The following CDC23 variants were observed in gnomAD, a reference collection of about 807,000 sequenced individuals.
CDC23 encodes the protein cell division cycle protein 23 homolog.
CDC23 carries 26 observed loss-of-function variants against 81.7 expected under a neutral mutation model. The ratio of observed to expected loss-of-function variants is 0.32; its 90% CI spans 0.23 to 0.44. The LOEUF is 0.44. CDC23 is among the 20% of genes least tolerant of loss of function. The pLI is 1.00. For synonymous variants in CDC23, 267 were observed against 270.8 expected (o/e 0.99, Z 0.14); for missense variants, 519 against 728.0 (o/e 0.71, Z 3.30).
At position 138,198,635 on chromosome 5, in the gene CDC23, G is replaced by C. The variant is rs1023554547; in HGVS notation, c.802C>G (p.Gln268Glu). 2 of 1,613,982 alleles carry C rather than the reference G, an allele frequency of 1.2e-6. No homozygotes were observed. Among genetic ancestry groups the C allele is most frequent in the Non-Finnish European group, 1.7e-6 (2 of 1,180,020 alleles). ...ATATTGTGATAGGCAACTGCAATTT[G>C]GGAAACAATATACGAGCTCTTAGAG... The part of the protein sequence containing the change: ...GFSKSSYIVS[Q>E]IAVAYHNIRD... The change falls in exon 7 of 16, where the codon CAA becomes GAA. Residue 268 changes from glutamine (Q) to glutamate (E), a missense_variant. Around this residue, in one of 4 missense-constraint regions of CDC23, gnomAD observed 180 missense variants for 239.3 expected, o/e 0.75. Coordinates refer to ENST00000394886, the MANE Select transcript of CDC23 (RefSeq NM_004661.4).
In CDC23 at chr5:138,188,928, A is replaced by G; in HGVS notation, c.*50T>C. 1.3e-6 allele frequency: 2 copies of G among 1,562,302 alleles called. No homozygotes were observed. Among genetic ancestry groups the G allele is most frequent in the Non-Finnish European group, 1.7e-6 (2 of 1,144,498 alleles). On this transcript the variant is annotated 3_prime_UTR_variant, in exon 16 of 16. Coordinates refer to ENST00000394886, the MANE Select transcript of CDC23 (RefSeq NM_004661.4). Reference sequence around the variant, plus strand: ...GACGTGCTGTTCTTTACATGGAGGTAAGGCTTAATTAAGATGGGTCTAACA... The same window carrying G: ...GACGTGCTGTTCTTTACATGGAGGTGAGGCTTAATTAAGATGGGTCTAACA...
At chr5:138,211,063 C>T (rs780849169) in intron 2 of CDC23, among the ~76,000 whole-genome samples, 1 of 152,182 alleles carries the variant, frequency 6.6e-6, no homozygotes, top group Non-Finnish European at 1.5e-5. Flanking sequence ...AAAACATCTG[C>T]ACTCGCATGT....
At chr5:138,195,505 ATATATATATAAATATATATAAAT>A (rs1401942685) in intron 9 of CDC23, among the ~76,000 whole-genome samples, 1 of 126,942 alleles carries the variant, frequency 7.9e-6, no homozygotes, top group Non-Finnish European at 1.6e-5. Context: ...TGTAAAAAAT[ATATATATATAAATATATATAAAT>A]TATATATATT....
At position 138,192,382 on chromosome 5, in the gene CDC23, G is replaced by A; in HGVS notation, c.1173C>T (p.Ala391=). ...TSAAIQAYRH[A]IEVNKRDYRA... is the part of the protein sequence containing the mutation. ...TGTAGTCCCGTTTGTTGACCTCAAT[G>A]GCATGTCTAAGAAATGGAAAAGACA... Residue 391 remains alanine (A), a synonymous_variant, in exon 11 of 16, where the codon GCC becomes GCT. Coordinates refer to ENST00000394886, the MANE Select transcript of CDC23 (RefSeq NM_004661.4). 6.2e-7 allele frequency: 1 copy of A among 1,614,154 alleles called. No homozygotes were observed. The highest frequency in any genetic ancestry group is 8.5e-7 in the Non-Finnish European group (1 of 1,180,032).
intron 13 of CDC23, among the ~76,000 whole-genome samples, chr5:138,191,232 G>A (rs1754823690): frequency 6.6e-6 from 1 of 152,000 alleles, no homozygotes; most frequent in South Asian, 2.1e-4. Context: ...CTGACCTCAG[G>A]TCATCCACCT....
rs753128350 is a variant in CDC23, at chr5:138,188,974, C to T, written c.*4G>A. 4 of 1,612,918 alleles carry T rather than the reference C, an allele frequency of 2.5e-6. No homozygotes were observed. The African/African-American group carries it at 5.3e-5, about 22-fold the overall frequency. On this transcript the variant is annotated 3_prime_UTR_variant, in exon 16 of 16. Transcript: ENST00000394886. ...TAACAATGTGCTGGCTTGAGAGTAG[C>T]CAACTATGGCGTGACAGAAGACAAG... is the stretch of plus-strand genomic sequence containing the variant.
chr5:138,189,576 A>T, intron 15 of CDC23, 57 bp downstream of exon 15: 1 of 1,556,276 alleles, frequency 6.4e-7, no homozygotes, highest in Non-Finnish European at 8.7e-7. Context: ...CTTTCCACTT[A>T]AATATCTTAT....
At chr5:138,208,248 G>A (rs1010108551) in intron 2 of CDC23, among the ~76,000 whole-genome samples, 10 of 152,122 alleles carry the variant, frequency 6.6e-5, no homozygotes, top group South Asian at 2.1e-4. Flanking sequence ...AGCCACCACC[G>A]GCCCAATCCT....
chr5:138,188,591 G>A lies in CDC23; in HGVS notation c.*387C>T, dbSNP rs1018375306. 2 of 159,858 alleles carry A rather than the reference G, an allele frequency of 1.3e-5. No individual in the cohort carries two copies. Among genetic ancestry groups the A allele is most frequent in the African/African-American group, 4.8e-5 (2 of 41,504 alleles). The allele number at this position is 159,858 out of a possible 1,614,324, so 9.9% of individuals were successfully genotyped here. A position where few individuals can be genotyped will look rare whatever the true frequency, so the allele number is the denominator to read the frequency against. On this transcript the variant is annotated 3_prime_UTR_variant, in exon 16 of 16. Transcript: ENST00000394886. ...ACTCAGTGCCCTACTGCCAGCTCAGGGTAGAGTGGCAGACTTTCCTCCTTT... is the reference window on the plus strand; with the variant it reads ...ACTCAGTGCCCTACTGCCAGCTCAGAGTAGAGTGGCAGACTTTCCTCCTTT...
chr5:138,191,916 C>G lies in CDC23; in HGVS notation c.1308G>C (p.Leu436=). The G allele has an allele frequency of 6.2e-7, 1 of 1,614,122 alleles. No individual in the cohort carries two copies. The highest frequency in any genetic ancestry group is 1.1e-5 in the South Asian group (1 of 91,078). Residue 436 remains leucine (L), a synonymous_variant, in exon 12 of 16, where the codon CTG becomes CTC. Coordinates refer to ENST00000394886, the MANE Select transcript of CDC23 (RefSeq NM_004661.4). ...TCTCGTAACATTCTCCTAAAGCAAC[C>G]AGCATGCGAGAATCATTGGGTCTGA... ...HQLRPNDSRM[L]VALGECYEKL... is the part of the protein sequence containing the mutation.
chr5:138,195,720 ATG>A (rs1754889352), intron 9 of CDC23, among the ~76,000 whole-genome samples: 1 of 66,200 alleles, frequency 1.5e-5, no homozygotes, highest in Non-Finnish European at 3.3e-5. Flanking sequence ...TATAATATAT[ATG>A]TATATATATA....
chr5:138,199,362 C>T (rs190797278), intron 6 of CDC23, among the ~76,000 whole-genome samples: 1 of 152,210 alleles, frequency 6.6e-6, no homozygotes, highest in Admixed American at 6.5e-5. Context: ...CTTTGGGAGG[C>T]TATGGGAAAG....
At chr5:138,207,496 A>G (rs1028684188) in intron 2 of CDC23, among the ~76,000 whole-genome samples, 1 of 152,164 alleles carries the variant, frequency 6.6e-6, no homozygotes, top group African/African-American at 2.4e-5. Context: ...CTGGCATTCT[A>G]TTCCTTCTCC....
chr5:138,194,367 C>T (rs1754860006), intron 9 of CDC23, among the ~76,000 whole-genome samples: 1 of 151,638 alleles, frequency 6.6e-6, no homozygotes, highest in Non-Finnish European at 1.5e-5. Flanking sequence ...AAGCTTGAGC[C>T]CAGGAATTCA....
chr5:138,213,143 A>C lies in CDC23; in HGVS notation c.161+9T>G, dbSNP rs1273570184. 1 of 1,613,980 alleles carries C rather than the reference A, an allele frequency of 6.2e-7. No homozygotes were observed. The highest frequency in any genetic ancestry group is 8.5e-7 in the Non-Finnish European group (1 of 1,179,988). ...CCAAGCCCCGTCCCTTCCCACTCCA[A>C]CATCTCACCATTTGCTACTGTGTAG... On this transcript the variant is annotated intron_variant, in intron 1 of 15. Transcript: ENST00000394886.
At chr5:138,197,141 C>T (rs1754921778) in intron 9 of CDC23, among the ~76,000 whole-genome samples, 1 of 149,480 alleles carries the variant, frequency 6.7e-6, no homozygotes, top group East Asian at 2.0e-4. Context: ...CCAGTCTCTA[C>T]TAAAAATACA....
chr5:138,189,986 C>A, intron 13 of CDC23, 80 bp from the exon 14 acceptor site: 15 of 1,111,152 alleles, frequency 1.3e-5, no homozygotes, highest in Admixed American at 3.8e-5. Flanking sequence ...TACATAAGAC[C>A]AAAAAAAACA....
intron 9 of CDC23, among the ~76,000 whole-genome samples, chr5:138,194,718 CTTTTTTT>C (rs926814787): frequency 8.4e-6 from 1 of 118,770 alleles, no homozygotes; most frequent in African/African-American, 3.1e-5. Context: ...TTTTTGGTGT[CTTTTTTT>C]TTTTTTTTTT....
At chr5:138,206,214 G>T (rs1755046189) in intron 3 of CDC23, 1 of 415,224 alleles carries the variant, frequency 2.4e-6, no homozygotes, top group Non-Finnish European at 4.2e-6. Context: ...CTATAAACAT[G>T]ATAAATGAAT....
Sources: allele counts gnomAD v4.1 joint callset (sites outside exome capture counted in the v4.1 genomes callset), GRCh38; gene constraint gnomAD v4.1.1; regional missense constraint gnomAD v4.1.1; transcripts MANE v1.5; gene names NCBI Gene and HGNC (gene_info 2026-07-23, HGNC 2026-07-21).